The following TMTC1 variants were observed in gnomAD, a reference collection of about 807,000 sequenced individuals.
TMTC1 encodes the protein transmembrane O-mannosyltransferase targeting cadherins 1, also known as protein O-mannosyl-transferase TMTC1.
A neutral mutation model predicts 104.8 loss-of-function variants in TMTC1; 73 were observed. The ratio of observed to expected loss-of-function variants is 0.70; its 90% confidence interval spans 0.58 to 0.85. The LOEUF is 0.85. TMTC1 is among the 40% of genes least tolerant of loss of function. The probability of loss-of-function intolerance (pLI) is 0.00; values close to 1 mark genes in which losing one functional copy is unlikely to be tolerated. For synonymous variants in TMTC1, 434 were observed against 428.7 expected (o/e 1.01, Z -0.15); for missense variants, 1,035 against 1,096.1 (o/e 0.94, Z 0.79).
At chr12:29,756,898 A>G (rs142492847) in intron 3 of TMTC1, among the ~76,000 whole-genome samples, 84 of 152,324 alleles carry the variant, frequency 5.5e-4, no homozygotes, top group African/African-American at 1.8e-3. Context: ...GGCATGCAAA[A>G]CCAATCTGTA....
intron 5 of TMTC1, among the ~76,000 whole-genome samples, chr12:29,725,162 C>T (rs1942352511): frequency 6.6e-6 from 1 of 150,582 alleles, no homozygotes; most frequent in African/African-American, 2.4e-5. Flanking sequence ...GAATTACAGG[C>T]ACCTGCCACC....
In TMTC1 at chr12:29,699,926, G is replaced by GC. The variant is rs34761678; in HGVS notation, c.938+51739dup. ...CAAAATGCCGGGATTACAGGCATAA[G>GC]CCACCATGCCTTGCCATCATCTGGT... On this transcript the variant is annotated intron_variant, in intron 5 of 17. Transcript: ENST00000539277. 5.9e-5 allele frequency among the ~76,000 whole-genome samples: 9 copies of GC among 152,150 alleles called. No individual in the cohort carries two copies. The East Asian group carries it at 1.7e-3, about 29-fold the overall frequency.
chr12:29,682,433 T>C (rs1940950727), intron 5 of TMTC1, among the ~76,000 whole-genome samples: 1 of 152,128 alleles, frequency 6.6e-6, no homozygotes, highest in Non-Finnish European at 1.5e-5. Flanking sequence ...TGTACATGAA[T>C]GCTCATGGCA....
At chr12:29,665,520 AC>A (rs1184675305) in intron 5 of TMTC1, among the ~76,000 whole-genome samples, 1 of 152,220 alleles carries the variant, frequency 6.6e-6, no homozygotes, top group Admixed American at 6.5e-5. Flanking sequence ...AGAGATCAGA[AC>A]AACCAGCCAA....
At chr12:29,555,389 T>C (rs989599717) in intron 10 of TMTC1, among the ~76,000 whole-genome samples, 1 of 152,054 alleles carries the variant, frequency 6.6e-6, no homozygotes, top group Non-Finnish European at 1.5e-5. Flanking sequence ...GTTTGTTACA[T>C]AGTTATACAT....
In TMTC1 at chr12:29,505,489, G is replaced by GC. The variant is rs1429388669; in HGVS notation, c.*1356_*1357insG. On this transcript the variant is annotated 3_prime_UTR_variant, in exon 18 of 18. Coordinates refer to ENST00000539277, the MANE Select transcript of TMTC1 (RefSeq NM_001193451.2). The stretch of plus-strand genomic sequence containing the variant: ...GAATAATCAACACAAAGTTTGGGAG[G>GC]GACTGTTAAAACTTAACTATTTTAC... The GC allele has an allele frequency of 6.6e-6, 1 of 151,838 alleles. No individual in the cohort carries two copies. The highest frequency in any genetic ancestry group is 1.5e-5 in the Non-Finnish European group (1 of 67,962). 9.4% of individuals were successfully genotyped at this position (151,838 alleles called of 1,614,324 possible).
chr12:29,669,559 C>T (rs1326749630), intron 5 of TMTC1, among the ~76,000 whole-genome samples: 1 of 152,056 alleles, frequency 6.6e-6, no homozygotes, highest in African/African-American at 2.4e-5. Flanking sequence ...TCCGAGATAC[C>T]AGATGTAGAA....
At chr12:29,572,027 A>G (rs1945691945) in intron 9 of TMTC1, 78 bp downstream of exon 9, 2 of 1,137,466 alleles carry the variant, frequency 1.8e-6, no homozygotes, top group Non-Finnish European at 2.6e-6. Context: ...CTCCCTCTCC[A>G]TATACTGGGA....
intron 7 of TMTC1, among the ~76,000 whole-genome samples, chr12:29,585,182 G>C (rs1446755109): frequency 1.3e-5 from 2 of 151,906 alleles, no homozygotes; most frequent in Non-Finnish European, 2.9e-5. Context: ...GCATTTCTCT[G>C]ATGGCCAGTG....
intron 7 of TMTC1, among the ~76,000 whole-genome samples, chr12:29,602,809 C>T (rs1449793912): frequency 6.6e-6 from 1 of 152,094 alleles, no homozygotes; most frequent in Non-Finnish European, 1.5e-5. Context: ...AGGGCAGACA[C>T]TGAGATTCAC....
Position 29,661,246 on chromosome 12 carries a change from T to C in TMTC1, c.939-27910A>G, listed in dbSNP as rs958499244. The C allele has an allele frequency of 1.6e-5, 8 of 501,754 alleles. No individual in the cohort carries two copies. The South Asian group carries it at 6.9e-4, about 43-fold the overall frequency. 31.1% of individuals were successfully genotyped at this position (501,754 alleles called of 1,614,324 possible). A position where few individuals can be genotyped will look rare whatever the true frequency, so the allele number is the denominator to read the frequency against. ...TCCCATCGAATCCCAAATAACCCAG[T>C]CATTTTGAAAACAATACAGTTACAC... On this transcript the variant is annotated intron_variant, in intron 5 of 17. Transcript: ENST00000539277.
intron 6 of TMTC1, among the ~76,000 whole-genome samples, chr12:29,632,764 A>G (rs1938359835): frequency 6.6e-6 from 1 of 152,210 alleles, no homozygotes; most frequent in Non-Finnish European, 1.5e-5. Flanking sequence ...TTGGGGAAGT[A>G]GTGGGAGAAA....
chr12:29,749,445 T>G (rs1943036079), intron 5 of TMTC1, among the ~76,000 whole-genome samples: 1 of 152,190 alleles, frequency 6.6e-6, no homozygotes, highest in Non-Finnish European at 1.5e-5. Context: ...AACACATCTA[T>G]GAGACACCCT....
chr12:29,528,431 G>T (rs913573863), intron 11 of TMTC1, among the ~76,000 whole-genome samples: 11 of 152,152 alleles, frequency 7.2e-5, no homozygotes, highest in Admixed American at 6.6e-4. Context: ...TGCAGCCATG[G>T]GCTCCTCTCC....
intron 5 of TMTC1, among the ~76,000 whole-genome samples, chr12:29,708,477 A>G (rs1415477956): frequency 6.6e-6 from 1 of 152,202 alleles, no homozygotes; most frequent in East Asian, 1.9e-4. Flanking sequence ...TTAACCACTG[A>G]GCCCCCTTTG....
At chr12:29,538,950 A>G (rs1944719150) in intron 10 of TMTC1, among the ~76,000 whole-genome samples, 1 of 152,198 alleles carries the variant, frequency 6.6e-6, no homozygotes, top group Non-Finnish European at 1.5e-5. Context: ...TTAAGCACCA[A>G]CAGGTCAGGC....
Position 29,633,333 on chromosome 12 carries a change from G to A in TMTC1, c.942C>T (p.Phe314=), listed in dbSNP as rs750767757. Residue 314 remains phenylalanine, a synonymous_variant, in exon 6 of 18, where the codon TTC becomes TTT. Coordinates refer to ENST00000539277, the MANE Select transcript of TMTC1 (RefSeq NM_001193451.2). Reference sequence around the variant, plus strand: ...AGGCCAAGAGGTAGGAATAGGTGAGGAATCTATAAAGAGAAGAAGAATCAC... The same window carrying A: ...AGGCCAAGAGGTAGGAATAGGTGAGAAATCTATAAAGAGAAGAAGAATCAC... ...SPRAVWSMMR[F]LTYSYLLAFN... is the part of the protein sequence containing the mutation. 5.6e-6 allele frequency: 9 copies of A among 1,603,942 alleles called. No homozygotes were observed. Among genetic ancestry groups the A allele is most frequent in the South Asian group, 5.6e-5 (5 of 89,864 alleles).
intron 7 of TMTC1, among the ~76,000 whole-genome samples, chr12:29,601,037 G>A (rs1210305924): frequency 2.0e-5 from 3 of 152,190 alleles, no homozygotes; most frequent in Non-Finnish European, 4.4e-5. Context: ...CGGGAGGCAG[G>A]CACTTGCTGT....
intron 7 of TMTC1, among the ~76,000 whole-genome samples, chr12:29,584,310 T>C (rs1946066380): frequency 1.3e-5 from 2 of 152,230 alleles, no homozygotes; most frequent in Admixed American, 6.5e-5. Flanking sequence ...ACAGAGATAC[T>C]TTCTGCCTGC....
Sources: gnomAD v4.1 joint callset for allele counts (sites outside exome capture counted in the v4.1 genomes callset) on GRCh38, gnomAD v4.1.1 for gene constraint, MANE v1.5 for transcripts, NCBI Gene and HGNC (gene_info 2026-07-23, HGNC 2026-07-21) for gene names.